Variants in DYNC2LI1 observed in about 807,000 individuals in gnomAD.
The protein encoded by DYNC2LI1 is dynein cytoplasmic 2 light intermediate chain 1, also known as cytoplasmic dynein 2 light intermediate chain 1.
In DYNC2LI1, 45 loss-of-function variants were observed where a neutral mutation model predicts 51.9. The ratio of observed to expected loss-of-function variants is 0.87; its 90% CI spans 0.68 to 1.11. The LOEUF is 1.11. Ranked by LOEUF, DYNC2LI1 falls within the 50% of genes most tolerant of loss-of-function variation. The pLI, the probability that DYNC2LI1 is intolerant of heterozygous loss-of-function variation, is 0.00. For synonymous variants in DYNC2LI1, 130 were observed against 137.8 expected (o/e 0.94, Z 0.40); for missense variants, 490 against 417.4 (o/e 1.17, Z -1.51).
chr2:43,804,546 C>A, intron 10 of DYNC2LI1, 96 bp from the exon 11 acceptor site: 1 of 774,208 alleles, frequency 1.3e-6, no homozygotes, highest in Middle Eastern at 2.7e-4. Flanking sequence ...ATGAGTGATC[C>A]GAGATGTATA....
intron 5 of DYNC2LI1, chr2:43,793,006 G>A (rs879679480): frequency 7.2e-4 from 290 of 403,208 alleles, no homozygotes; most frequent in Non-Finnish European, 7.1e-4. Flanking sequence ...AGTTCTTTTG[G>A]GTTTAGACTC....
At chr2:43,797,451 T>A (rs575951452) in intron 8 of DYNC2LI1, among the ~76,000 whole-genome samples, 2 of 151,724 alleles carry the variant, frequency 1.3e-5, no homozygotes, top group African/African-American at 4.8e-5. Context: ...ATCACTGTTA[T>A]CATTATCTCC....
rs1673690032 is a variant in DYNC2LI1, at chr2:43,789,700, C to G, written c.299C>G (p.Pro100Arg). ...TCTTTATTGGACTTAATCAGCATACCCATCACAGGTGACACCTTACGGTAA... is the reference window on the plus strand; with the variant it reads ...TCTTTATTGGACTTAATCAGCATACGCATCACAGGTGACACCTTACGGTAA... ...GTSLLDLISI[P>R]ITGDTLRTFS... The change falls in exon 5 of 13, where the codon CCC becomes CGC. Residue 100 changes from proline to arginine, a missense_variant. By Grantham distance (103) the Pro-to-Arg change is moderately radical. Transcript: ENST00000260605. The G allele has an allele frequency of 1.2e-6, 2 of 1,613,558 alleles. No homozygotes were observed. The highest frequency in any genetic ancestry group is 1.3e-5 in the African/African-American group (1 of 74,830).
chr2:43,814,410 A>G, downstream of DYNC2LI1: 1 of 1,020,780 alleles, frequency 9.8e-7, no homozygotes, highest in South Asian at 1.4e-5. Flanking sequence ...TCAAAAATAC[A>G]TTTCCTCCAA....
At chr2:43,807,700 T>A (rs1666314942) in intron 12 of DYNC2LI1, among the ~76,000 whole-genome samples, 1 of 122,302 alleles carries the variant, frequency 8.2e-6, no homozygotes, top group Admixed American at 1.2e-4. Flanking sequence ...ATTACAGGCA[T>A]GAGCCACTGT....
intron 5 of DYNC2LI1, chr2:43,792,860 C>T (rs1673856433): frequency 6.9e-7 from 1 of 1,451,664 alleles, no homozygotes; most frequent in Non-Finnish European, 9.0e-7. Context: ...AATAATGTTC[C>T]ATTGTGTAAA....
intron 7 of DYNC2LI1, among the ~76,000 whole-genome samples, chr2:43,796,379 C>G (rs1674037975): frequency 6.6e-6 from 1 of 151,176 alleles, no homozygotes; most frequent in Non-Finnish European, 1.5e-5. Flanking sequence ...GGGAATATGA[C>G]TTACTTCCCA....
chr2:43,814,344 G>A (rs1245082220), downstream of DYNC2LI1: 1 of 663,872 alleles, frequency 1.5e-6, no homozygotes, highest in Non-Finnish European at 2.7e-6. Context: ...GAAAATGTTG[G>A]ACTGTATTTC....
chr2:43,786,281 C>T (rs1314600975), intron 3 of DYNC2LI1, among the ~76,000 whole-genome samples: 1 of 152,140 alleles, frequency 6.6e-6, no homozygotes, highest in African/African-American at 2.4e-5. Flanking sequence ...TTACTGCAGC[C>T]TCAACTTCCC....
At chr2:43,819,797 A>G in the DYNC2LI1 span, 10 of 1,089,296 alleles carry the variant, frequency 9.2e-6, no homozygotes, top group Non-Finnish European at 9.7e-6. Flanking sequence ...GCTCTAGACT[A>G]TAAGGTAATA....
At position 43,809,696 on chromosome 2, in the gene DYNC2LI1, T is replaced by C; in HGVS notation, c.994-9T>C. 6.2e-7 allele frequency: 1 copy of C among 1,601,330 alleles called. No homozygotes were observed. The highest frequency in any genetic ancestry group is 8.5e-7 in the Non-Finnish European group (1 of 1,173,230). ...ATTTTTCTTAAAGTGATACATATTT[T>C]TGTTTTAGGAACTGGAACAGTACAA... On this transcript the variant is annotated splice_polypyrimidine_tract_variant and intron_variant, in intron 12 of 12. Coordinates refer to ENST00000260605, the MANE Select transcript of DYNC2LI1 (RefSeq NM_016008.4).
At chr2:43,776,025 G>T (rs1225961200) in intron 1 of DYNC2LI1, among the ~76,000 whole-genome samples, 2 of 151,266 alleles carry the variant, frequency 1.3e-5, no homozygotes, top group Non-Finnish European at 1.5e-5. Flanking sequence ...TTTTTTGTTT[G>T]TTTTCTTTTC....
downstream of DYNC2LI1, chr2:43,812,676 T>C: frequency 5.1e-6 from 1 of 197,992 alleles, no homozygotes; most frequent in Non-Finnish European, 1.0e-5. Flanking sequence ...ATGATAACCT[T>C]GCTTCATCTA....
chr2:43,783,563 T>C lies in DYNC2LI1; in HGVS notation c.161+9T>C, dbSNP rs766105497. ...CTAAGGTGTCTTGACAGGTAAGTGT[T>C]ATGTTAACCTTTAAACTATATTTAT... On this transcript the variant is annotated intron_variant, in intron 3 of 12. Transcript: ENST00000260605. The C allele has an allele frequency of 1.1e-5, 16 of 1,507,890 alleles. No individual in the cohort carries two copies. The African/African-American group carries it at 2.3e-4, about 22-fold the overall frequency. The allele number at this position is 1,507,890 out of a possible 1,614,324, so 93.4% of individuals were successfully genotyped here.
chr2:43,824,993 C>T, the DYNC2LI1 span: 4 of 1,613,938 alleles, frequency 2.5e-6, no homozygotes, highest in Non-Finnish European at 3.4e-6. Context: ...CTCTCCGAAG[C>T]TCAGGATGGC....
At chr2:43,774,220 C>G in intron 1 of DYNC2LI1, 74 bp downstream of exon 1, 1 of 1,593,002 alleles carries the variant, frequency 6.3e-7, no homozygotes, top group Non-Finnish European at 8.6e-7. Flanking sequence ...CAGGCGGGAC[C>G]AGCTGTTGGA....
the DYNC2LI1 span, among the ~76,000 whole-genome samples, chr2:43,825,892 T>C: frequency 4.6e-5 from 7 of 152,226 alleles, no homozygotes; most frequent in African/African-American, 1.7e-4. Flanking sequence ...ATTTGGAACA[T>C]GGTAGGTGCT....
intron 3 of DYNC2LI1, 103 bp from the exon 4 acceptor site, chr2:43,787,078 C>A: frequency 1.2e-6 from 1 of 845,824 alleles, no homozygotes; most frequent in Non-Finnish European, 1.9e-6. Context: ...AACTTCTCTA[C>A]TAATAAAGTT....
downstream of DYNC2LI1, among the ~76,000 whole-genome samples, chr2:43,811,403 C>T (rs886323374): frequency 6.6e-6 from 1 of 152,172 alleles, no homozygotes; most frequent in Non-Finnish European, 1.5e-5. Flanking sequence ...TTTCCTATTT[C>T]AGTGTGAGAC....
Sources: gnomAD v4.1 joint callset for allele counts (sites outside exome capture counted in the v4.1 genomes callset) on GRCh38, gnomAD v4.1.1 for gene constraint, MANE v1.5 for transcripts, NCBI Gene and HGNC (gene_info 2026-07-23, HGNC 2026-07-21) for gene names.